The following RELN variants were observed in gnomAD, a reference collection of about 807,000 sequenced individuals.
The protein encoded by RELN is reelin.
A neutral mutation model predicts 427.6 loss-of-function variants in RELN; 108 were observed. That is an observed-to-expected ratio of 0.25 (90% CI 0.22 to 0.30). RELN has a LOEUF of 0.30. Among genes scored for constraint, RELN ranks in the 10% least tolerant of loss-of-function variants. RELN has a pLI of 1.00. For missense variants in RELN, 3,715 were observed against 4,302.8 expected (o/e 0.86, Z 3.82); for synonymous variants, 1,524 against 1,513.4 (o/e 1.01, Z -0.16).
chr7:103,570,978 A>G (rs969875059), intron 31 of RELN, among the ~76,000 whole-genome samples: 18 of 152,232 alleles, frequency 1.2e-4, no homozygotes, highest in Non-Finnish European at 7.3e-5. Context: ...ATATTTATTG[A>G]AGAGATTAGG....
chr7:103,604,300 A>T, intron 23 of RELN, 46 bp downstream of exon 23: 1 of 1,612,422 alleles, frequency 6.2e-7, no homozygotes, highest in Middle Eastern at 1.7e-4. Context: ...CTCCAGCCAC[A>T]AATCTTGAGA....
At chr7:103,600,632 T>G (rs1361694474) in intron 24 of RELN, among the ~76,000 whole-genome samples, 2 of 151,692 alleles carry the variant, frequency 1.3e-5, no homozygotes, top group Non-Finnish European at 2.9e-5. Context: ...AATTTCTCCC[T>G]TTTTTTTACT....
chr7:103,535,530 C>G (rs758797386), intron 45 of RELN, 46 bp from the exon 46 acceptor site: 1 of 1,522,994 alleles, frequency 6.6e-7, no homozygotes, highest in African/African-American at 1.4e-5. Context: ...TATCTGCAGA[C>G]CCAGGAACCA....
At chr7:103,736,444 T>G (rs1467293653) in intron 6 of RELN, among the ~76,000 whole-genome samples, 1 of 152,174 alleles carries the variant, frequency 6.6e-6, no homozygotes, top group East Asian at 1.9e-4. Flanking sequence ...GTCATGTCTT[T>G]TTTTCTAAGG....
intron 2 of RELN, among the ~76,000 whole-genome samples, chr7:103,857,171 A>G (rs763116235): frequency 6.6e-6 from 1 of 152,200 alleles, no homozygotes; most frequent in Non-Finnish European, 1.5e-5. Context: ...GGTCTGCATT[A>G]TAACAATGTA....
Position 103,635,503 on chromosome 7 carries a change from A to G in RELN, c.2387T>C (p.Leu796Ser). ...RAPDQPGEGV[L>S]LHYSYDNGIT... Reference sequence around the variant, plus strand: ...CCCATTATCATAAGAATAATGCAACAAAACTCCTTCACCAGGCTGATCAGG... The same window carrying G: ...CCCATTATCATAAGAATAATGCAACGAAACTCCTTCACCAGGCTGATCAGG... The change falls in exon 19 of 65, where the codon TTG (leucine) becomes TCG (serine). Residue 796 changes from leucine (L) to serine (S), a missense_variant. Leu to Ser is a moderately radical substitution (Grantham distance 145). Around this residue, in one of 4 missense-constraint regions of RELN, gnomAD observed 2,208 missense variants for 2,361.7 expected, o/e 0.93. Coordinates refer to ENST00000428762, the MANE Select transcript of RELN (RefSeq NM_005045.4). 6.2e-7 allele frequency: 1 copy of G among 1,614,062 alleles called. No individual in the cohort carries two copies. The highest frequency in any genetic ancestry group is 8.5e-7 in the Non-Finnish European group (1 of 1,179,936).
intron 1 of RELN, among the ~76,000 whole-genome samples, chr7:103,986,930 C>CTGTGTGTG (rs68023932): frequency 1.2e-4 from 18 of 148,958 alleles, no homozygotes; most frequent in South Asian, 2.1e-4. Flanking sequence ...CTAACAGAAG[C>CTGTGTGTG]TGTGTGTGTG....
chr7:103,500,717 T>C, intron 53 of RELN, 28 bp downstream of exon 53: 1 of 1,612,804 alleles, frequency 6.2e-7, no homozygotes, highest in Non-Finnish European at 8.5e-7. Context: ...ATGTGAGTAA[T>C]GCGTCTTGTC....
intron 12 of RELN, among the ~76,000 whole-genome samples, chr7:103,656,237 C>T (rs890971231): frequency 2.0e-5 from 3 of 152,078 alleles, no homozygotes; most frequent in Non-Finnish European, 4.4e-5. Flanking sequence ...TGAAAATACA[C>T]TATTGGAATT....
chr7:103,870,135 C>T (rs772291686), intron 2 of RELN, among the ~76,000 whole-genome samples: 2 of 152,024 alleles, frequency 1.3e-5, no homozygotes, highest in African/African-American at 2.4e-5. Flanking sequence ...ATGCTAAACT[C>T]AGACCATGCT....
chr7:103,875,346 A>G (rs1794453714), intron 2 of RELN, among the ~76,000 whole-genome samples: 1 of 151,798 alleles, frequency 6.6e-6, no homozygotes, highest in Non-Finnish European at 1.5e-5. Flanking sequence ...ACAAAAGCCA[A>G]AATTGACAAA....
intron 3 of RELN, among the ~76,000 whole-genome samples, chr7:103,793,099 G>T (rs1161444130): frequency 6.6e-6 from 1 of 152,110 alleles, no homozygotes; most frequent in African/African-American, 2.4e-5. Context: ...TTGAACCAAA[G>T]TTGAATTTCT....
At chr7:103,805,623 T>A (rs1403030960) in intron 3 of RELN, among the ~76,000 whole-genome samples, 1 of 152,208 alleles carries the variant, frequency 6.6e-6, no homozygotes, top group Non-Finnish European at 1.5e-5. Context: ...ATCTGAAGAT[T>A]CTTCTCTTAG....
In RELN at chr7:103,747,328, G is replaced by A. The variant is rs138690577; in HGVS notation, c.656+2098C>T. On this transcript the variant is annotated intron_variant, in intron 6 of 64. Transcript: ENST00000428762. ...ATCTAATGCTAAATGACAACTTAAC[G>A]GGTGCAGCACACTAATATGGCACAT... is the stretch of plus-strand genomic sequence containing the variant. 4.7e-4 allele frequency among the ~76,000 whole-genome samples: 71 copies of A among 151,904 alleles called. No homozygotes were observed. The South Asian group carries it at 0.012, about 26-fold the overall frequency.
Position 103,728,129 on chromosome 7 carries a change from T to C in RELN, c.735A>G (p.Pro245=), listed in dbSNP as rs1309328529. 8 of 1,613,750 alleles carry C rather than the reference T, an allele frequency of 5.0e-6. No homozygotes were observed. The highest frequency in any genetic ancestry group is 1.7e-5 in the Admixed American group (1 of 59,910). Residue 245 remains proline (P), a synonymous_variant, in exon 7 of 65, where the codon CCA becomes CCG. Transcript: ENST00000428762. ...TACTTACCAGTTCTCGTGGGCCATA[T>C]GGTTCACAGAAGGTGACGGCATTGC... ...MHGNAVTFCE[P]YGPRELITTG... is the part of the protein sequence containing the mutation.
chr7:103,822,299 G>T (rs1793034552), intron 3 of RELN, among the ~76,000 whole-genome samples: 1 of 152,036 alleles, frequency 6.6e-6, no homozygotes, highest in South Asian at 2.1e-4. Context: ...TTTAACAATA[G>T]AAATATTGTT....
chr7:103,895,877 A>C (rs1488034947), intron 2 of RELN, among the ~76,000 whole-genome samples: 1 of 152,116 alleles, frequency 6.6e-6, no homozygotes, highest in Non-Finnish European at 1.5e-5. Context: ...TACTCAACTT[A>C]AGGCAACATG....
chr7:103,655,943 T>C (rs1254692148), intron 12 of RELN, among the ~76,000 whole-genome samples: 2 of 152,236 alleles, frequency 1.3e-5, no homozygotes. Context: ...CCATAGTCTA[T>C]TGATGAGAAT....
intron 28 of RELN, among the ~76,000 whole-genome samples, chr7:103,586,366 A>C (rs1831271041): frequency 6.6e-6 from 1 of 152,080 alleles, no homozygotes; most frequent in Non-Finnish European, 1.5e-5. Context: ...CCATCTCAAA[A>C]AAATAAAAAT....
Sources: allele counts gnomAD v4.1 joint callset (sites outside exome capture counted in the v4.1 genomes callset), GRCh38; gene constraint gnomAD v4.1.1; regional missense constraint gnomAD v4.1.1; transcripts MANE v1.5; gene names NCBI Gene and HGNC (gene_info 2026-07-23, HGNC 2026-07-21).